The following MYO10 variants were observed in gnomAD, a reference collection of about 807,000 sequenced individuals.
The protein encoded by MYO10 is myosin X.
In MYO10, 133 loss-of-function variants were observed where a neutral mutation model predicts 257.3. That is an observed-to-expected ratio of 0.52 (90% CI 0.45 to 0.60). The LOEUF (loss-of-function observed/expected upper bound fraction) is 0.60. MYO10 is among the 20% of genes least tolerant of loss of function. The pLI is 0.00. For synonymous variants in MYO10, 1,104 were observed against 1,028.6 expected (o/e 1.07, Z -1.40); for missense variants, 2,399 against 2,635.7 (o/e 0.91, Z 1.97).
At chr5:16,785,078 C>A (rs1741536011) in intron 4 of MYO10, among the ~76,000 whole-genome samples, 1 of 152,224 alleles carries the variant, frequency 6.6e-6, no homozygotes, top group Admixed American at 6.5e-5. Context: ...CTAAACCTGT[C>A]TTGAAATCAT....
At chr5:16,753,283 C>A (rs901922976) in intron 19 of MYO10, among the ~76,000 whole-genome samples, 4 of 152,188 alleles carry the variant, frequency 2.6e-5, no homozygotes, top group Non-Finnish European at 5.9e-5. Flanking sequence ...TCTCCTGCCT[C>A]AGCCTCCCAA....
chr5:16,788,257 C>CA (rs368485321), intron 4 of MYO10, among the ~76,000 whole-genome samples: 62 of 152,088 alleles, frequency 4.1e-4, no homozygotes, highest in African/African-American at 1.4e-3. Context: ...GGGGCCTGGC[C>CA]AGGGGGTGGG....
intron 4 of MYO10, among the ~76,000 whole-genome samples, chr5:16,793,274 G>A (rs1478275633): frequency 6.6e-6 from 1 of 152,136 alleles, no homozygotes; most frequent in Non-Finnish European, 1.5e-5. Flanking sequence ...GATGTCAATA[G>A]CATACATGTG....
chr5:16,725,030 T>C (rs1324115516), intron 19 of MYO10, among the ~76,000 whole-genome samples: 1 of 151,608 alleles, frequency 6.6e-6, no homozygotes, highest in Non-Finnish European at 1.5e-5. Flanking sequence ...AACAGAATCT[T>C]AGAGACAGTT....
chr5:16,774,725 T>C (rs1229109382), intron 9 of MYO10, among the ~76,000 whole-genome samples: 3 of 152,118 alleles, frequency 2.0e-5, no homozygotes, highest in East Asian at 1.9e-4. Context: ...CCGGCCAATG[T>C]TATGTTTTAT....
chr5:16,745,168 CG>C (rs1238238146), intron 19 of MYO10, among the ~76,000 whole-genome samples: 4 of 151,882 alleles, frequency 2.6e-5, no homozygotes, highest in Non-Finnish European at 5.9e-5. Context: ...GGTGAAACCC[CG>C]TCTCTACTAA....
chr5:16,819,795 TC>T (rs1742743036), intron 2 of MYO10, among the ~76,000 whole-genome samples: 1 of 152,232 alleles, frequency 6.6e-6, no homozygotes, highest in African/African-American at 2.4e-5. Context: ...TGGTTTTTTT[TC>T]ATGAGCCATG....
chr5:16,699,160 T>C (rs1330189162), intron 26 of MYO10, among the ~76,000 whole-genome samples: 2 of 152,022 alleles, frequency 1.3e-5, no homozygotes, highest in Admixed American at 1.3e-4. Flanking sequence ...CTGGAGGCAG[T>C]GGTTGCAAAT....
chr5:16,714,643 C>T (rs1021134366), intron 19 of MYO10, among the ~76,000 whole-genome samples: 1 of 152,132 alleles, frequency 6.6e-6, no homozygotes, highest in African/African-American at 2.4e-5. Context: ...CAGGGTGAAA[C>T]CCCGTCTCTA....
chr5:16,894,425 G>A (rs1745164532), intron 1 of MYO10, among the ~76,000 whole-genome samples: 1 of 152,238 alleles, frequency 6.6e-6, no homozygotes, highest in East Asian at 1.9e-4. Context: ...AGGAACCCTG[G>A]CTTTACCACA....
chr5:16,681,884 T>C lies in MYO10; in HGVS notation c.4176A>G (p.Glu1392=), dbSNP rs1030811286. 1 of 1,613,950 alleles carries C rather than the reference T, an allele frequency of 6.2e-7. No individual in the cohort carries two copies. Among genetic ancestry groups the C allele is most frequent in the Non-Finnish European group, 8.5e-7 (1 of 1,179,866 alleles). Residue 1392 remains glutamate (E), a synonymous_variant, in exon 31 of 41, where the codon GAA becomes GAG. Coordinates refer to ENST00000513610, the MANE Select transcript of MYO10 (RefSeq NM_012334.3). ...SKGDTRVEGQ[E]FIVRGWLHKE... Reference sequence around the variant, plus strand: ...GCAGGCAGTCACCTCTCACGATGAATTCCTGGCCCTCCACTCTGGTGTCCC... The same window carrying C: ...GCAGGCAGTCACCTCTCACGATGAACTCCTGGCCCTCCACTCTGGTGTCCC...
At chr5:16,707,203 G>T (rs961595281) in intron 21 of MYO10, among the ~76,000 whole-genome samples, 1 of 152,218 alleles carries the variant, frequency 6.6e-6, no homozygotes, top group Admixed American at 6.5e-5. Flanking sequence ...ATGTGGAACT[G>T]TGAGTCCATT....
rs372470638 is a variant in MYO10, at chr5:16,685,733, C to T, written c.3990+5G>A. 828 of 1,591,600 alleles carry T rather than the reference C, an allele frequency of 5.2e-4. 1 individual carries two copies. Among genetic ancestry groups the T allele is most frequent in the Non-Finnish European group, 6.6e-4 (770 of 1,169,168 alleles). ...CCACCCCCATCCCACACAGTGCTCC[C>T]GTACCACAGCATTCTGTGGGTTTGC... On this transcript the variant is annotated splice_donor_5th_base_variant and intron_variant, in intron 29 of 40. Transcript: ENST00000513610.
At chr5:16,757,770 T>A (rs1472976313) in intron 18 of MYO10, among the ~76,000 whole-genome samples, 6 of 152,146 alleles carry the variant, frequency 3.9e-5, no homozygotes, top group African/African-American at 1.4e-4. Context: ...GCTCAGGCAA[T>A]CCTCCCACCT....
chr5:16,768,121 G>T lies in MYO10; in HGVS notation c.1060+953C>A, dbSNP rs139664584. On this transcript the variant is annotated intron_variant, in intron 10 of 40. Coordinates refer to ENST00000513610, the MANE Select transcript of MYO10 (RefSeq NM_012334.3). ...TGAGAATTACTGGCCTACAGTTCTG[G>T]TCTCCTCTAGAACCACTCTGAACTT... 1.1e-4 allele frequency among the ~76,000 whole-genome samples: 16 copies of T among 152,192 alleles called. No individual in the cohort carries two copies. The East Asian group carries it at 2.9e-3, about 28-fold the overall frequency.
chr5:16,682,244 G>C (rs1737041907), intron 30 of MYO10, among the ~76,000 whole-genome samples: 1 of 152,164 alleles, frequency 6.6e-6, no homozygotes. Flanking sequence ...GTCCTGGAAG[G>C]GAAAACATTT....
rs371223622 is a variant in MYO10, at chr5:16,794,737, G to C, written c.376C>G (p.Leu126Val). The stretch of plus-strand genomic sequence containing the variant: ...AAGATGTGCGGGGGCAGCTCGCCCA[G>C]GTGGCGCCGGCTGTACTGCTCCATG... ...ATMEQYSRRH[L>V]GELPPHIFAI... Residue 126 changes from leucine (L) to valine (V), a missense_variant, in exon 4 of 41, where the codon CTG (leucine) becomes GTG (valine). By Grantham distance (32) the Leu-to-Val change is conservative. Transcript: ENST00000513610. 5 of 1,613,112 alleles carry C rather than the reference G, an allele frequency of 3.1e-6. No individual in the cohort carries two copies. The African/African-American group carries it at 5.3e-5, about 17-fold the overall frequency.
intron 2 of MYO10, among the ~76,000 whole-genome samples, chr5:16,848,183 A>T (rs1412051074): frequency 5.3e-5 from 4 of 76,000 alleles, no homozygotes; most frequent in East Asian, 3.7e-4. Context: ...TGTGAGAGAG[A>T]GTTTTGCTCT....
intron 1 of MYO10, among the ~76,000 whole-genome samples, chr5:16,928,594 C>A (rs1395224147): frequency 2.0e-5 from 3 of 152,006 alleles, no homozygotes; most frequent in Non-Finnish European, 4.4e-5. Flanking sequence ...ACCTGTAATC[C>A]CAGCACTTTG....
Sources: allele counts gnomAD v4.1 joint callset (sites outside exome capture counted in the v4.1 genomes callset), GRCh38; gene constraint gnomAD v4.1.1; transcripts MANE v1.5; gene names NCBI Gene and HGNC (gene_info 2026-07-23, HGNC 2026-07-21).